The following RNGTT variants were observed in gnomAD, a reference collection of about 807,000 sequenced individuals.
RNGTT encodes RNA guanylyltransferase and 5'-phosphatase.
RNGTT carries 33 observed loss-of-function variants against 79.3 expected under a neutral mutation model. The ratio of observed to expected loss-of-function variants is 0.42; its 90% CI spans 0.32 to 0.56. The LOEUF is 0.56. RNGTT is among the 20% of genes least tolerant of loss of function. The probability of loss-of-function intolerance (pLI) is 0.17; values close to 1 mark genes in which losing one functional copy is unlikely to be tolerated. For missense variants in RNGTT, 497 were observed against 739.1 expected, an observed-to-expected ratio of 0.67 and a Z score of 3.80; for synonymous variants, 222 against 235.9, an observed-to-expected ratio of 0.94 and a Z score of 0.54.
At chr6:88,870,309 T>A (rs1782312935) in intron 8 of RNGTT, among the ~76,000 whole-genome samples, 1 of 152,158 alleles carries the variant, frequency 6.6e-6, no homozygotes, top group African/African-American at 2.4e-5. Context: ...TATATGATTT[T>A]AAAACATATG....
chr6:88,712,741 C>T (rs1050645751), intron 13 of RNGTT, among the ~76,000 whole-genome samples: 3 of 152,052 alleles, frequency 2.0e-5, no homozygotes, highest in Admixed American at 1.3e-4. Context: ...AAACAGAAGC[C>T]GCTGACTGAA....
intron 13 of RNGTT, among the ~76,000 whole-genome samples, chr6:88,746,186 C>T (rs1582410455): frequency 6.6e-6 from 1 of 152,194 alleles, no homozygotes; most frequent in South Asian, 2.1e-4. Flanking sequence ...AGAGTGGCTT[C>T]TAGCAGACCA....
chr6:88,634,845 TG>T (rs2127770817), intron 14 of RNGTT, among the ~76,000 whole-genome samples: 1 of 152,226 alleles, frequency 6.6e-6, no homozygotes, highest in East Asian at 1.9e-4. Context: ...GTAATCAATG[TG>T]GAGAGAAAAA....
At chr6:88,757,979 T>C (rs1778076573) in intron 13 of RNGTT, among the ~76,000 whole-genome samples, 1 of 152,206 alleles carries the variant, frequency 6.6e-6, no homozygotes, top group African/African-American at 2.4e-5. Context: ...TAAGTTTCAG[T>C]ATACCATACA....
At chr6:88,931,898 G>A (rs917575311) in intron 2 of RNGTT, among the ~76,000 whole-genome samples, 1 of 152,108 alleles carries the variant, frequency 6.6e-6, no homozygotes, top group Admixed American at 6.5e-5. Context: ...TGTGTTAACT[G>A]CACAGATTTT....
Position 88,891,850 on chromosome 6 carries a change from T to C in RNGTT, c.750A>G (p.Leu250=), listed in dbSNP as rs765572414. 3.1e-6 allele frequency: 5 copies of C among 1,605,002 alleles called. No homozygotes were observed. The highest frequency in any genetic ancestry group is 4.3e-6 in the Non-Finnish European group (5 of 1,175,684). Residue 250 remains leucine (L), a synonymous_variant, in exon 7 of 16, where the codon TTA becomes TTG. Transcript: ENST00000369485. ...GATGACACTTCTGCTGTACCTCTCC[T>C]AACTTTGGTTGTGTTGTTACTTGAG... ...GVTQVTTQPK[L]GEVQQKCHQF...
intron 12 of RNGTT, among the ~76,000 whole-genome samples, chr6:88,796,815 C>T (rs1231435363): frequency 6.6e-6 from 1 of 152,096 alleles, no homozygotes; most frequent in African/African-American, 2.4e-5. Flanking sequence ...ACTACTCTCT[C>T]CTTTTTAGTT....
At chr6:88,735,049 G>A (rs559399046) in intron 13 of RNGTT, among the ~76,000 whole-genome samples, 26 of 152,218 alleles carry the variant, frequency 1.7e-4, no homozygotes, top group Admixed American at 5.9e-4. Context: ...AATTTCAAAT[G>A]AAATAGACTT....
chr6:88,614,252 T>C lies in RNGTT; in HGVS notation c.1630+20A>G. 2 of 1,611,672 alleles carry C rather than the reference T, an allele frequency of 1.2e-6. No homozygotes were observed. On this transcript the variant is annotated intron_variant, in intron 15 of 15. Transcript: ENST00000369485. The stretch of plus-strand genomic sequence containing the variant: ...TTTTTGTTTTAAATATAATAAGCAC[T>C]GGTAAGTTGTCATACTCACCCATGG...
In RNGTT at chr6:88,792,440, AAAG is replaced by A. The variant is rs574189877; in HGVS notation, c.1338+9121_1338+9123del. ...AAATTGATGACAATGTATAAGCACAAAAGAAGTGAGAAAAATCTTAAGTATTCT... is the reference window on the plus strand; with the variant it reads ...AAATTGATGACAATGTATAAGCACAAAAGTGAGAAAAATCTTAAGTATTCT... On this transcript the variant is annotated intron_variant, in intron 12 of 15. Coordinates refer to ENST00000369485, the MANE Select transcript of RNGTT (RefSeq NM_003800.5). 2.3e-4 allele frequency among the ~76,000 whole-genome samples: 35 copies of A among 151,112 alleles called. No individual in the cohort carries two copies. In the South Asian group the frequency reaches 7.2e-3, roughly 31 times the overall value.
intron 12 of RNGTT, among the ~76,000 whole-genome samples, chr6:88,772,553 A>G (rs1778723497): frequency 6.6e-6 from 1 of 152,152 alleles, no homozygotes; most frequent in Non-Finnish European, 1.5e-5. Flanking sequence ...AAATGGGAGA[A>G]AATTTTCGCA....
chr6:88,848,205 A>G (rs1428373502), intron 10 of RNGTT, among the ~76,000 whole-genome samples: 1 of 152,114 alleles, frequency 6.6e-6, no homozygotes, highest in Non-Finnish European at 1.5e-5. Context: ...AATGTGTGAT[A>G]AAACGAACTT....
chr6:88,868,047 C>T (rs1782231730), intron 8 of RNGTT, among the ~76,000 whole-genome samples: 2 of 152,240 alleles, frequency 1.3e-5, no homozygotes, highest in East Asian at 1.9e-4. Context: ...TGAAGTGCTT[C>T]CTCTTCCACT....
intron 13 of RNGTT, among the ~76,000 whole-genome samples, chr6:88,753,679 A>T (rs1777913765): frequency 6.6e-6 from 1 of 151,962 alleles, no homozygotes; most frequent in African/African-American, 2.4e-5. Context: ...GTAATGATTT[A>T]AATAATTGTT....
chr6:88,775,223 T>C (rs1223612332), intron 12 of RNGTT, among the ~76,000 whole-genome samples: 1 of 152,176 alleles, frequency 6.6e-6, no homozygotes, highest in African/African-American at 2.4e-5. Context: ...ACAGTTACCT[T>C]GTATGTGTGT....
At chr6:88,631,674 G>A (rs1303200340) in intron 14 of RNGTT, among the ~76,000 whole-genome samples, 1 of 151,978 alleles carries the variant, frequency 6.6e-6, no homozygotes, top group Non-Finnish European at 1.5e-5. Context: ...CTATGATGCA[G>A]GTACCATCCC....
At chr6:88,730,833 G>GA (rs1358065241) in intron 13 of RNGTT, among the ~76,000 whole-genome samples, 1 of 152,184 alleles carries the variant, frequency 6.6e-6, no homozygotes, top group Non-Finnish European at 1.5e-5. Context: ...GCCCTCAAGG[G>GA]AAACTAATAT....
intron 2 of RNGTT, among the ~76,000 whole-genome samples, chr6:88,938,684 T>A (rs916795915): frequency 6.6e-6 from 1 of 152,156 alleles, no homozygotes; most frequent in African/African-American, 2.4e-5. Context: ...CCCCCTTCAT[T>A]GTTGATGTGT....
chr6:88,952,705 G>A (rs754237550), intron 1 of RNGTT, among the ~76,000 whole-genome samples: 1 of 152,208 alleles, frequency 6.6e-6, no homozygotes, highest in South Asian at 2.1e-4. Context: ...GACTCTCACA[G>A]AGTCTACTTA....
Sources: gnomAD v4.1 joint callset for allele counts (sites outside exome capture counted in the v4.1 genomes callset) on GRCh38, gnomAD v4.1.1 for gene constraint, MANE v1.5 for transcripts, NCBI Gene and HGNC (gene_info 2026-07-23, HGNC 2026-07-21) for gene names.